ACTN4: variants seen among roughly 807,000 people sequenced by gnomAD.
The protein encoded by ACTN4 is alpha-actinin-4.
A neutral mutation model predicts 114.2 loss-of-function variants in ACTN4; 18 were observed. The observed-to-expected ratio is 0.16, with a 90% CI of 0.11 to 0.23. ACTN4 has a LOEUF of 0.23. Ranked by LOEUF, ACTN4 falls within the 10% of genes least tolerant of loss-of-function variation. The pLI is 1.00. For synonymous variants in ACTN4, 515 were observed against 506.3 expected (o/e 1.02, Z -0.23); for missense variants, 722 against 1,262.9 (o/e 0.57, Z 6.49).
In ACTN4 at chr19:38,712,851, G is replaced by A. The variant is rs181078210; in HGVS notation, c.820-1618G>A. Reference sequence around the variant, plus strand: ...CCCCTGTGCTTAGGGCTGAACTCCAGTCTGGAGGCTCTGAGGGATTTTGGG... The same window carrying A: ...CCCCTGTGCTTAGGGCTGAACTCCAATCTGGAGGCTCTGAGGGATTTTGGG... On this transcript the variant is annotated intron_variant, in intron 8 of 20. Transcript: ENST00000252699. 3.3e-3 allele frequency among the ~76,000 whole-genome samples: 505 copies of A among 152,330 alleles called. 16 individuals are homozygous for A. The highest frequency in any genetic ancestry group is 0.032 in the Admixed American group (492 of 15,304).
At chr19:38,649,393 G>A (rs1201163806) in intron 1 of ACTN4, among the ~76,000 whole-genome samples, 7 of 151,908 alleles carry the variant, frequency 4.6e-5, no homozygotes, top group Non-Finnish European at 5.9e-5. Context: ...GAAGTTTTGT[G>A]CGTGAAATGG....
Position 38,721,533 on chromosome 19 carries a change from A to C in ACTN4, c.1292-5A>C, listed in dbSNP as rs949068637. The C allele has an allele frequency of 6.2e-7, 1 of 1,613,660 alleles. No homozygotes were observed. The highest frequency in any genetic ancestry group is 8.5e-7 in the Non-Finnish European group (1 of 1,179,972). On this transcript the variant is annotated splice_region_variant and splice_polypyrimidine_tract_variant and intron_variant, in intron 11 of 20. Coordinates refer to ENST00000252699, the MANE Select transcript of ACTN4 (RefSeq NM_004924.6). ...GTGGTCTAAGCGTCTCTCTGCTCCTACCAGGGAAGGAAGCCATGCTGAAGC... is the reference window on the plus strand; with the variant it reads ...GTGGTCTAAGCGTCTCTCTGCTCCTCCCAGGGAAGGAAGCCATGCTGAAGC...
intron 1 of ACTN4, among the ~76,000 whole-genome samples, chr19:38,693,816 C>T (rs1968006987): frequency 6.6e-6 from 1 of 152,218 alleles, no homozygotes; most frequent in South Asian, 2.1e-4. Flanking sequence ...AAAGCAGAAA[C>T]TGCTCTTGGG....
intron 1 of ACTN4, among the ~76,000 whole-genome samples, chr19:38,657,974 T>C (rs953562103): frequency 6.6e-6 from 1 of 152,208 alleles, no homozygotes; most frequent in Non-Finnish European, 1.5e-5. Flanking sequence ...GCTATCACCA[T>C]GGAAACCAAG....
chr19:38,725,598 G>A (rs1969205010), intron 16 of ACTN4, 126 bp from the exon 17 acceptor site: 1 of 1,057,558 alleles, frequency 9.5e-7, no homozygotes, highest in East Asian at 2.6e-5. Flanking sequence ...GGGACCCATG[G>A]GCCAAGGCCC....
Position 38,724,115 on chromosome 19 carries a change from CTG to C in ACTN4, c.1693-39_1693-38del. On this transcript the variant is annotated intron_variant, in intron 14 of 20. Transcript: ENST00000252699. The surrounding 1 kb of genome is among the most constrained non-coding windows in gnomAD (Gnocchi z 7.0). ...CGGCCCCCCATCTTCCCAAGAGCCT[CTG>C]TGGGGCTGGGCCGCCCCCTCACTCC... 1.2e-6 allele frequency: 2 copies of C among 1,613,696 alleles called. No homozygotes were observed. Among genetic ancestry groups the C allele is most frequent in the Non-Finnish European group, 1.7e-6 (2 of 1,179,998 alleles).
chr19:38,714,501 G>A lies in ACTN4; in HGVS notation c.852G>A (p.Val284=), dbSNP rs534884431. 3 of 1,613,908 alleles carry A rather than the reference G, an allele frequency of 1.9e-6. No homozygotes were observed. The Admixed American group carries it at 5.0e-5, about 27-fold the overall frequency. ...CTGCCGCCAACCGGATCTGTAAGGT[G>A]CTGGCTGTCAACCAAGAGAACGAGC... is the stretch of plus-strand genomic sequence containing the variant. ...AETAANRICK[V]LAVNQENEHL... The change falls in exon 9 of 21, where the codon GTG becomes GTA. Residue 284 remains valine, a synonymous_variant. Coordinates refer to ENST00000252699, the MANE Select transcript of ACTN4 (RefSeq NM_004924.6).
At chr19:38,697,063 C>T (rs1968119280) in intron 1 of ACTN4, among the ~76,000 whole-genome samples, 1 of 152,250 alleles carries the variant, frequency 6.6e-6, no homozygotes, top group Non-Finnish European at 1.5e-5. Context: ...CCTGAGGCCT[C>T]AGTGGCAGAA....
chr19:38,717,839 C>T lies in ACTN4; in HGVS notation c.1144-88C>T. ...CAGACATGACCCCAGCCAAGTTCTG[C>T]CACCTTCCCATCAGCATCCCTTGGA... is the stretch of plus-strand genomic sequence containing the variant. On this transcript the variant is annotated intron_variant, in intron 10 of 20. Coordinates refer to ENST00000252699, the MANE Select transcript of ACTN4 (RefSeq NM_004924.6). The surrounding 1 kb of genome is among the most constrained non-coding windows in gnomAD (Gnocchi z 4.0). 1 of 1,530,734 alleles carries T rather than the reference C, an allele frequency of 6.5e-7. No individual in the cohort carries two copies. 94.8% of individuals were successfully genotyped at this position (1,530,734 alleles called of 1,614,324 possible). A position where few individuals can be genotyped will look rare whatever the true frequency, so the allele number is the denominator to read the frequency against.
intron 8 of ACTN4, among the ~76,000 whole-genome samples, chr19:38,712,181 G>A (rs937060579): frequency 1.3e-5 from 2 of 152,170 alleles, no homozygotes; most frequent in South Asian, 2.1e-4. Flanking sequence ...AGGGCTAGGC[G>A]CAGTTAGCCC....
intron 9 of ACTN4, among the ~76,000 whole-genome samples, chr19:38,715,807 T>C (rs1968820348): frequency 2.0e-5 from 3 of 152,206 alleles, no homozygotes; most frequent in Non-Finnish European, 4.4e-5. Flanking sequence ...GGTATTTCTG[T>C]CTTTGAATTT....
At position 38,680,212 on chromosome 19, in the gene ACTN4, G is replaced by GTTTT. The variant is rs75920199; in HGVS notation, c.163-20358_163-20355dup. 4.3e-4 allele frequency among the ~76,000 whole-genome samples: 53 copies of GTTTT among 124,304 alleles called. 1 individual carries two copies. Among genetic ancestry groups the GTTTT allele is most frequent in the East Asian group, 1.6e-3 (6 of 3,688 alleles). The allele number at this position is 124,304 out of a possible 152,430, so 81.5% of individuals were successfully genotyped here. A position where few individuals can be genotyped will look rare whatever the true frequency, so the allele number is the denominator to read the frequency against. On this transcript the variant is annotated intron_variant, in intron 1 of 20. Transcript: ENST00000252699. ...CCTGTCCATAGCTGGAGCTCAGGAA[G>GTTTT]TTTTTTTTTTTTTTTTTTTTTTTTT...
Position 38,729,693 on chromosome 19 carries a change from T to A in ACTN4, c.*261T>A. On this transcript the variant is annotated 3_prime_UTR_variant, in exon 21 of 21. Transcript: ENST00000252699. ...ATATGTATGATGTGTTGTGCTTTTT[T>A]AACCAAGGAGGGGCCAGTGGATTCC... The A allele has an allele frequency of 1.5e-6, 1 of 664,002 alleles. No homozygotes were observed. The highest frequency in any genetic ancestry group is 2.8e-6 in the Non-Finnish European group (1 of 363,548). The allele number at this position is 664,002 out of a possible 1,614,324, so 41.1% of individuals were successfully genotyped here. A position where few individuals can be genotyped will look rare whatever the true frequency, so the allele number is the denominator to read the frequency against.
At chr19:38,654,054 A>C (rs1462647012) in intron 1 of ACTN4, among the ~76,000 whole-genome samples, 3 of 152,230 alleles carry the variant, frequency 2.0e-5, no homozygotes, top group Admixed American at 6.5e-5. Flanking sequence ...AGAATTTGTT[A>C]TAAAGTGTCT....
At chr19:38,687,309 T>C (rs1035981862) in intron 1 of ACTN4, among the ~76,000 whole-genome samples, 18 of 152,204 alleles carry the variant, frequency 1.2e-4, no homozygotes, top group Non-Finnish European at 1.5e-5. Context: ...CTTTCATTTA[T>C]GGAACAAGGG....
At chr19:38,696,743 A>C (rs1968107025) in intron 1 of ACTN4, among the ~76,000 whole-genome samples, 1 of 152,102 alleles carries the variant, frequency 6.6e-6, no homozygotes, top group Admixed American at 6.6e-5. Flanking sequence ...ACATGGGGTG[A>C]GAACAGGAGT....
At chr19:38,697,667 G>A (rs150227909) in intron 1 of ACTN4, among the ~76,000 whole-genome samples, 55 of 152,356 alleles carry the variant, frequency 3.6e-4, no homozygotes, top group African/African-American at 1.1e-3. Context: ...GCACGCGTGC[G>A]TGGCCCTCCC....
intron 11 of ACTN4, among the ~76,000 whole-genome samples, chr19:38,719,177 G>T (rs1001079653): frequency 6.6e-6 from 1 of 152,176 alleles, no homozygotes; most frequent in Admixed American, 6.5e-5. Flanking sequence ...GATCCCAGGG[G>T]TCTGGAAGCC....
intron 12 of ACTN4, 57 bp downstream of exon 12, chr19:38,721,745 C>T (rs764008599): frequency 6.2e-7 from 1 of 1,602,366 alleles, no homozygotes. Flanking sequence ...CCTGCCCAGA[C>T]TGGTGGCGGC....
Sources: gnomAD v4.1 joint callset for allele counts (sites outside exome capture counted in the v4.1 genomes callset) on GRCh38, gnomAD v4.1.1 for gene constraint, Gnocchi (gnomAD v3.1) non-coding constraint, MANE v1.5 for transcripts, NCBI Gene and HGNC (gene_info 2026-07-23, HGNC 2026-07-21) for gene names.